The following GRIK2 variants were observed in gnomAD, a reference collection of about 807,000 sequenced individuals.
GRIK2 encodes the protein glutamate ionotropic receptor kainate type subunit 2.
A neutral mutation model predicts 100.3 loss-of-function variants in GRIK2; 32 were observed. That is an observed-to-expected ratio of 0.32 (90% confidence interval 0.24 to 0.43). The LOEUF (loss-of-function observed/expected upper bound fraction) is 0.43. GRIK2 is among the 20% of genes least tolerant of loss of function. GRIK2 has a pLI of 1.00. For missense variants in GRIK2, 843 were observed against 1,114.9 expected, an observed-to-expected ratio of 0.76 and a Z score of 3.47; for synonymous variants, 417 against 389.4, an observed-to-expected ratio of 1.07 and a Z score of -0.83.
chr6:101,471,982 AT>A (rs35531216), intron 2 of GRIK2, among the ~76,000 whole-genome samples: 30,206 of 150,836 alleles, frequency 0.2, 3,641 homozygotes, highest in Middle Eastern at 0.28. Flanking sequence ...TTAAAGAATG[AT>A]TTTTTTTTGC....
At chr6:101,968,414 T>G (rs1792832944) in intron 14 of GRIK2, among the ~76,000 whole-genome samples, 1 of 152,070 alleles carries the variant, frequency 6.6e-6, no homozygotes, top group African/African-American at 2.4e-5. Flanking sequence ...ACAAGAATAA[T>G]TTGCATTAGT....
chr6:101,849,792 A>ATGC (rs1423443384), intron 10 of GRIK2, among the ~76,000 whole-genome samples: 2 of 119,876 alleles, frequency 1.7e-5, no homozygotes, highest in African/African-American at 6.1e-5. Flanking sequence ...GCCCATAGGG[A>ATGC]TGCTATTTAA....
At chr6:102,055,918 G>A (rs1771442235) in intron 16 of GRIK2, among the ~76,000 whole-genome samples, 6 of 151,730 alleles carry the variant, frequency 4.0e-5, no homozygotes. Context: ...TTAATTAAGT[G>A]AGTAAAAATT....
At chr6:101,562,338 TTTTG>T (rs903129344) in intron 2 of GRIK2, among the ~76,000 whole-genome samples, 6 of 152,014 alleles carry the variant, frequency 3.9e-5, no homozygotes, top group East Asian at 3.9e-4. Flanking sequence ...CAGTTTGAGT[TTTTG>T]TTTGTTTGTT....
At chr6:101,838,160 G>A (rs189248270) in intron 10 of GRIK2, among the ~76,000 whole-genome samples, 17 of 152,196 alleles carry the variant, frequency 1.1e-4, no homozygotes, top group Admixed American at 7.9e-4. Context: ...CTACCCTTTT[G>A]TTCTCAAATC....
At chr6:101,606,822 G>T (rs564001484) in intron 2 of GRIK2, among the ~76,000 whole-genome samples, 2 of 151,986 alleles carry the variant, frequency 1.3e-5, no homozygotes, top group South Asian at 4.1e-4. Context: ...TCCTGCATTA[G>T]AGGAAAAATG....
intron 14 of GRIK2, among the ~76,000 whole-genome samples, chr6:102,008,746 T>C (rs558894369): frequency 2.0e-5 from 3 of 152,138 alleles, no homozygotes; most frequent in Non-Finnish European, 2.9e-5. Context: ...TAGTGAATCA[T>C]AGTGACTCTC....
At chr6:101,639,679 AACTTT>A (rs1467510277) in intron 4 of GRIK2, among the ~76,000 whole-genome samples, 3 of 152,112 alleles carry the variant, frequency 2.0e-5, no homozygotes, top group Non-Finnish European at 4.4e-5. Context: ...ACATTCTATA[AACTTT>A]ACTTTGTTTT....
At chr6:101,992,582 A>G (rs187912178) in intron 14 of GRIK2, among the ~76,000 whole-genome samples, 2 of 151,778 alleles carry the variant, frequency 1.3e-5, no homozygotes, top group Admixed American at 6.6e-5. Flanking sequence ...GGATTTTGGT[A>G]AAGACGAAAA....
At chr6:101,901,178 T>G (rs1787822669) in intron 12 of GRIK2, among the ~76,000 whole-genome samples, 1 of 152,034 alleles carries the variant, frequency 6.6e-6, no homozygotes, top group African/African-American at 2.4e-5. Flanking sequence ...TAAGAAATAA[T>G]TTTTTACAAG....
In GRIK2 at chr6:102,010,351, C is replaced by A. The variant is rs191378515; in HGVS notation, c.2086-24990C>A. The stretch of plus-strand genomic sequence containing the variant: ...CTCCCTATTCATCCCGCCCTCCTTT[C>A]CTCCTCCTCCTCCTCCCCCCACTTC... On this transcript the variant is annotated intron_variant, in intron 14 of 16. Transcript: ENST00000369134. 8.2e-5 allele frequency among the ~76,000 whole-genome samples: 12 copies of A among 146,582 alleles called. No homozygotes were observed. In the East Asian group the frequency reaches 2.6e-3, roughly 32 times the overall value.
intron 14 of GRIK2, among the ~76,000 whole-genome samples, chr6:101,995,265 AG>A (rs138459763): frequency 2.6e-4 from 40 of 152,086 alleles, no homozygotes; most frequent in African/African-American, 8.4e-4. Context: ...AGGTCTGACT[AG>A]GAGAACCACA....
At chr6:101,886,933 C>A (rs953703962) in intron 11 of GRIK2, among the ~76,000 whole-genome samples, 1 of 149,624 alleles carries the variant, frequency 6.7e-6, no homozygotes, top group African/African-American at 2.5e-5. Flanking sequence ...TCAAGTGATT[C>A]CCCTGCTTCA....
chr6:101,789,281 C>T (rs911205404), intron 7 of GRIK2, among the ~76,000 whole-genome samples: 2 of 152,172 alleles, frequency 1.3e-5, no homozygotes, highest in Non-Finnish European at 2.9e-5. Flanking sequence ...AGTCCTTGCC[C>T]ATGCCTATGT....
chr6:101,835,219 A>G (rs1782990944), intron 10 of GRIK2, among the ~76,000 whole-genome samples: 1 of 152,020 alleles, frequency 6.6e-6, no homozygotes, highest in African/African-American at 2.4e-5. Context: ...TCATTGGTTT[A>G]ACTTTGGTTT....
intron 11 of GRIK2, among the ~76,000 whole-genome samples, chr6:101,869,625 A>G (rs1448472494): frequency 6.6e-6 from 1 of 151,890 alleles, no homozygotes; most frequent in Non-Finnish European, 1.5e-5. Flanking sequence ...CTGTGGGACC[A>G]TTATAGAGCA....
chr6:101,498,188 G>T (rs926487413), intron 2 of GRIK2, among the ~76,000 whole-genome samples: 2 of 150,328 alleles, frequency 1.3e-5, no homozygotes, highest in African/African-American at 4.9e-5. Flanking sequence ...CCCTACAAAG[G>T]ACATGAACTC....
At chr6:101,698,308 A>G (rs1772644614) in intron 7 of GRIK2, among the ~76,000 whole-genome samples, 1 of 152,142 alleles carries the variant, frequency 6.6e-6, no homozygotes, top group African/African-American at 2.4e-5. Flanking sequence ...TTTCCAAGAT[A>G]TGCTTGGCCA....
intron 1 of GRIK2, among the ~76,000 whole-genome samples, chr6:101,396,634 A>G (rs947804945): frequency 1.3e-5 from 2 of 152,310 alleles, no homozygotes; most frequent in Admixed American, 6.5e-5. Context: ...AATAATTCCA[A>G]TTCCTTTACT....
Sources: allele counts gnomAD v4.1 joint callset (sites outside exome capture counted in the v4.1 genomes callset), GRCh38; gene constraint gnomAD v4.1.1; transcripts MANE v1.5; gene names NCBI Gene and HGNC (gene_info 2026-07-23, HGNC 2026-07-21).